Variants in FAP observed in about 807,000 individuals in gnomAD.
FAP encodes the protein fibroblast activation protein alpha.
FAP carries 110 observed loss-of-function variants against 126.5 expected under a neutral mutation model. The observed-to-expected ratio is 0.87, with a 90% CI of 0.74 to 1.02. FAP has a LOEUF of 1.02. FAP is among the 50% of genes least tolerant of loss of function. The pLI, the probability that FAP is intolerant of heterozygous loss-of-function variation, is 0.00. For missense variants in FAP, 919 were observed against 909.2 expected, an observed-to-expected ratio of 1.01 and a Z score of -0.14; for synonymous variants, 334 against 297.3, an observed-to-expected ratio of 1.12 and a Z score of -1.27.
At chr2:162,201,895 G>A (rs990515772) in intron 14 of FAP, among the ~76,000 whole-genome samples, 1 of 152,138 alleles carries the variant, frequency 6.6e-6, no homozygotes, top group Admixed American at 6.5e-5. Flanking sequence ...AACACATCAT[G>A]CCTGAAATGA....
rs767936222 is a variant in FAP at position 162,172,778 on chromosome 2, G to T, written c.2181+33C>A. 4.1e-6 allele frequency: 6 copies of T among 1,450,504 alleles called. No individual in the cohort carries two copies. In the East Asian group the frequency reaches 1.1e-4, roughly 27 times the overall value. The allele number at this position is 1,450,504 out of a possible 1,614,324, so 89.9% of individuals were successfully genotyped here. On this transcript the variant is annotated intron_variant, in intron 25 of 25. Coordinates refer to ENST00000188790, the MANE Select transcript of FAP (RefSeq NM_004460.5). The stretch of plus-strand genomic sequence containing the variant: ...CCCTCCTTTTAGCTTGAGGGTCTAA[G>T]GCCATGAACATGAGTAAAACAAAAT...
At chr2:162,191,696 T>G (rs866673308) in intron 17 of FAP, among the ~76,000 whole-genome samples, 1 of 152,196 alleles carries the variant, frequency 6.6e-6, no homozygotes, top group Middle Eastern at 3.4e-3. Flanking sequence ...ATGGGGAGAA[T>G]CCATAGAAAG....
chr2:162,192,634 C>T (rs1258804050), intron 17 of FAP, among the ~76,000 whole-genome samples: 1 of 152,120 alleles, frequency 6.6e-6, no homozygotes, highest in African/African-American at 2.4e-5. Flanking sequence ...TATCTTCAGT[C>T]CAAACTGATC....
chr2:162,240,495 A>G (rs1690302143), intron 2 of FAP, among the ~76,000 whole-genome samples: 1 of 152,170 alleles, frequency 6.6e-6, no homozygotes, highest in African/African-American at 2.4e-5. Flanking sequence ...TGCAGAAAGC[A>G]CTGGATTCTT....
intron 17 of FAP, 128 bp downstream of exon 17, chr2:162,194,573 T>C (rs1252176326): frequency 2.5e-5 from 19 of 754,896 alleles, no homozygotes; most frequent in Non-Finnish European, 2.3e-6. Context: ...TAATAAGTGA[T>C]GTGATAACAG....
intron 25 of FAP, 126 bp downstream of exon 25, chr2:162,172,685 G>T (rs1687353236): frequency 1.6e-6 from 1 of 644,640 alleles, no homozygotes; most frequent in Non-Finnish European, 2.7e-6. Flanking sequence ...CTAATGTTCT[G>T]CCTACTCTAT....
intron 17 of FAP, among the ~76,000 whole-genome samples, chr2:162,192,949 A>G (rs1688106785): frequency 6.6e-6 from 1 of 152,050 alleles, no homozygotes; most frequent in Non-Finnish European, 1.5e-5. Flanking sequence ...CAGTTCCCCT[A>G]TCTTAGAACT....
chr2:162,224,105 A>G (rs552114323), intron 5 of FAP, among the ~76,000 whole-genome samples: 10 of 152,128 alleles, frequency 6.6e-5, no homozygotes, highest in Non-Finnish European at 1.3e-4. Context: ...TTCAACATGT[A>G]TTTTTGATGC....
At chr2:162,180,467 C>T (rs1208352466) in intron 21 of FAP, among the ~76,000 whole-genome samples, 1 of 152,130 alleles carries the variant, frequency 6.6e-6, no homozygotes, top group African/African-American at 2.4e-5. Context: ...GACTCAGAAT[C>T]TCTGGTGTCT....
intron 14 of FAP, among the ~76,000 whole-genome samples, chr2:162,201,929 T>C (rs1194107732): frequency 6.6e-6 from 1 of 152,194 alleles, no homozygotes; most frequent in Non-Finnish European, 1.5e-5. Context: ...TTTGAACATG[T>C]CACTCCCCTT....
At chr2:162,222,090 A>G (rs6760216) in intron 6 of FAP, among the ~76,000 whole-genome samples, 5,182 of 152,292 alleles carry the variant, frequency 0.034, 306 homozygotes, top group African/African-American at 0.12. Context: ...TAAAGTTTAC[A>G]TAACCCATGA....
At chr2:162,174,635 G>C (rs902315767) in intron 22 of FAP, among the ~76,000 whole-genome samples, 1 of 152,148 alleles carries the variant, frequency 6.6e-6, no homozygotes, top group Non-Finnish European at 1.5e-5. Context: ...AGGTTTCTGG[G>C]AGAAAATAAG....
intron 6 of FAP, among the ~76,000 whole-genome samples, chr2:162,222,378 G>C (rs972092893): frequency 3.9e-5 from 6 of 152,172 alleles, no homozygotes; most frequent in Non-Finnish European, 7.4e-5. Context: ...AGACAAGAAG[G>C]ACTCAGAATG....
chr2:162,226,653 A>C, intron 2 of FAP, 32 bp from the exon 3 acceptor site: 1 of 1,174,660 alleles, frequency 8.5e-7, no homozygotes, highest in Non-Finnish European at 1.3e-6. Flanking sequence ...ATCCTTATTA[A>C]AAAGAAGGTT....
At chr2:162,224,003 A>T (rs1576187793) in intron 5 of FAP, among the ~76,000 whole-genome samples, 1 of 152,056 alleles carries the variant, frequency 6.6e-6, no homozygotes, top group Non-Finnish European at 1.5e-5. Context: ...TTGAAGTAAA[A>T]CCACAATGAT....
At chr2:162,228,277 C>T (rs1435034194) in intron 2 of FAP, among the ~76,000 whole-genome samples, 1 of 152,106 alleles carries the variant, frequency 6.6e-6, no homozygotes, top group Non-Finnish European at 1.5e-5. Context: ...GGCTTGCTCA[C>T]TCATATTATG....
chr2:162,183,004 C>A (rs1687744809), intron 21 of FAP, among the ~76,000 whole-genome samples: 1 of 152,092 alleles, frequency 6.6e-6, no homozygotes, highest in African/African-American at 2.4e-5. Flanking sequence ...AGGCTAGGTA[C>A]TAAGGAATTT....
At chr2:162,225,964 C>A (rs1230984458) in intron 3 of FAP, among the ~76,000 whole-genome samples, 1 of 151,994 alleles carries the variant, frequency 6.6e-6, no homozygotes, top group African/African-American at 2.4e-5. Flanking sequence ...ATTTTATTTT[C>A]TAAAGAGAAA....
At chr2:162,222,643 T>C (rs1689457121) in intron 6 of FAP, among the ~76,000 whole-genome samples, 2 of 152,178 alleles carry the variant, frequency 1.3e-5, no homozygotes, top group Non-Finnish European at 2.9e-5. Context: ...GCTAAGGCAA[T>C]TCATTGTCCA....
Sources: allele counts gnomAD v4.1 joint callset (sites outside exome capture counted in the v4.1 genomes callset), GRCh38; gene constraint gnomAD v4.1.1; transcripts MANE v1.5; gene names NCBI Gene and HGNC (gene_info 2026-07-23, HGNC 2026-07-21).